PDE3A: variants seen among roughly 807,000 people sequenced by gnomAD.
PDE3A encodes cGMP-inhibited 3',5'-cyclic phosphodiesterase 3A.
In PDE3A, 43 loss-of-function variants were observed where a neutral mutation model predicts 98.3. That is an observed-to-expected ratio of 0.44 (90% confidence interval 0.34 to 0.56). PDE3A has a LOEUF of 0.56. Among genes scored for constraint, PDE3A ranks in the 20% least tolerant of loss-of-function variants. The probability of loss-of-function intolerance (pLI) is 0.01; values close to 1 mark genes in which losing one functional copy is unlikely to be tolerated. For missense variants in PDE3A, 1,427 were observed against 1,440.7 expected, an observed-to-expected ratio of 0.99 and a Z score of 0.15; for synonymous variants, 663 against 567.9, an observed-to-expected ratio of 1.17 and a Z score of -2.38.
intron 15 of PDE3A, among the ~76,000 whole-genome samples, chr12:20,670,819 G>T (rs1945455363): frequency 7.4e-6 from 1 of 135,018 alleles, no homozygotes; most frequent in Non-Finnish European, 1.5e-5. Context: ...ACATTCAAAA[G>T]CTAGCAGAAG....
chr12:20,648,833 C>A lies in PDE3A; in HGVS notation c.2711C>A (p.Ala904Glu), dbSNP rs1487880128. Residue 904 changes from alanine to glutamate, a missense_variant, in exon 13 of 16, where the codon GCA (alanine) becomes GAA (glutamate). This residue lies in a region of PDE3A where 273 missense variants were observed against 420.3 expected (regional missense o/e 0.65). Transcript: ENST00000359062. ...FKHFRFLVIE[A>E]ILATDLKKHF... ...CATTTCCGTTTCCTTGTCATTGAAG[C>A]AATTTTGGCCACTGACCTGAAGAAA... The A allele has an allele frequency of 1.9e-6, 3 of 1,613,636 alleles. No homozygotes were observed. The highest frequency in any genetic ancestry group is 2.5e-6 in the Non-Finnish European group (3 of 1,179,774).
Position 20,640,329 on chromosome 12 carries a change from G to T in PDE3A, c.2251+372G>T, listed in dbSNP as rs562075736. Among the ~76,000 whole-genome samples, 13 of 152,084 alleles carry T rather than the reference G, an allele frequency of 8.5e-5. No homozygotes were observed. The East Asian group carries it at 2.5e-3, about 29-fold the overall frequency. ...TCCACTTTAATATGGCTATTTTTTGGAAATAAATAAATACTAAATTTATTG... is the reference window on the plus strand; with the variant it reads ...TCCACTTTAATATGGCTATTTTTTGTAAATAAATAAATACTAAATTTATTG... On this transcript the variant is annotated intron_variant, in intron 10 of 15. Coordinates refer to ENST00000359062, the MANE Select transcript of PDE3A (RefSeq NM_000921.5).
chr12:20,492,888 G>T (rs1436278692), intron 1 of PDE3A, among the ~76,000 whole-genome samples: 1 of 152,082 alleles, frequency 6.6e-6, no homozygotes, highest in African/African-American at 2.4e-5. Flanking sequence ...GATGAGTAAG[G>T]GTGGGGTGGT....
At chr12:20,671,483 TC>T (rs201674553) in intron 15 of PDE3A, among the ~76,000 whole-genome samples, 83,681 of 150,922 alleles carry the variant, frequency 0.55, 24,159 homozygotes, top group East Asian at 0.73. Flanking sequence ...CAGCAGCACA[TC>T]AAAAAGCTTA....
chr12:20,605,792 T>TA (rs1943696060), intron 2 of PDE3A, among the ~76,000 whole-genome samples: 1 of 152,246 alleles, frequency 6.6e-6, no homozygotes, highest in African/African-American at 2.4e-5. Context: ...GTAACCTATC[T>TA]TCAAGTTTCA....
chr12:20,571,931 T>C, intron 2 of PDE3A: 1 of 1,064,172 alleles, frequency 9.4e-7, no homozygotes. Flanking sequence ...TGAATGAGAG[T>C]GGGGCATAAA....
intron 1 of PDE3A, among the ~76,000 whole-genome samples, chr12:20,463,403 T>A (rs1160699270): frequency 6.6e-6 from 1 of 152,150 alleles, no homozygotes; most frequent in Admixed American, 6.5e-5. Flanking sequence ...CAATATTAAG[T>A]ATATAGATAA....
At chr12:20,561,017 C>T (rs1426466746) in intron 2 of PDE3A, among the ~76,000 whole-genome samples, 6 of 138,040 alleles carry the variant, frequency 4.3e-5, no homozygotes, top group Admixed American at 1.4e-4. Flanking sequence ...AATCCCGGCA[C>T]TTTGGGAGGC....
intron 1 of PDE3A, among the ~76,000 whole-genome samples, chr12:20,468,339 G>A (rs1945379087): frequency 6.6e-6 from 1 of 152,046 alleles, no homozygotes; most frequent in East Asian, 1.9e-4. Flanking sequence ...CAATGATTAT[G>A]GTCTGTACTT....
Position 20,592,240 on chromosome 12 carries a change from G to T in PDE3A, c.1012-21203G>T, listed in dbSNP as rs1010892133. ...GAAGAAAGAATATTGTGTCTTAAAA[G>T]CATATGGAATGCCAGTGTACTAATT... On this transcript the variant is annotated intron_variant, in intron 2 of 15. Transcript: ENST00000359062. 2.0e-5 allele frequency among the ~76,000 whole-genome samples: 3 copies of T among 152,074 alleles called. No individual in the cohort carries two copies. In the East Asian group the frequency reaches 5.8e-4, roughly 29 times the overall value.
At chr12:20,561,679 G>A (rs1479861472) in intron 2 of PDE3A, among the ~76,000 whole-genome samples, 1 of 151,688 alleles carries the variant, frequency 6.6e-6, no homozygotes, top group East Asian at 1.9e-4. Context: ...AGCTTCCCCT[G>A]GCTTCTCCCG....
chr12:20,509,081 A>C (rs1271949812), intron 1 of PDE3A, among the ~76,000 whole-genome samples: 1 of 151,944 alleles, frequency 6.6e-6, no homozygotes, highest in African/African-American at 2.4e-5. Flanking sequence ...GATTTGTGAC[A>C]TTGTGCGTCA....
intron 15 of PDE3A, among the ~76,000 whole-genome samples, chr12:20,673,270 A>C (rs532666169): frequency 6.6e-6 from 1 of 151,390 alleles, no homozygotes; most frequent in Admixed American, 6.6e-5. Context: ...AACTAGTTCA[A>C]CCATTGTGGA....
chr12:20,626,524 C>T (rs1944267714), intron 5 of PDE3A, among the ~76,000 whole-genome samples: 1 of 151,988 alleles, frequency 6.6e-6, no homozygotes. Flanking sequence ...GAGATGGATT[C>T]TTGCTCTGTC....
At chr12:20,598,547 C>T (rs1943518745) in intron 2 of PDE3A, among the ~76,000 whole-genome samples, 1 of 152,116 alleles carries the variant, frequency 6.6e-6, no homozygotes. Context: ...CTATTGAAAT[C>T]ACCCGCCCCC....
In PDE3A at chr12:20,369,874, G is replaced by C; in HGVS notation, c.590G>C (p.Cys197Ser). The change falls in exon 1 of 16, where the codon TGC (cysteine) becomes TCC (serine). Residue 197 changes from cysteine (C) to serine (S), a missense_variant. By Grantham distance (112) the Cys-to-Ser change is moderately radical (BLOSUM62 -1). Transcript: ENST00000359062. Reference sequence around the variant, plus strand: ...CCCGCCGCGGGGGTGGTGCTCAGCTGCTTGGCCGCCGCGACATGGCTGGTG... The same window carrying C: ...CCCGCCGCGGGGGTGGTGCTCAGCTCCTTGGCCGCCGCGACATGGCTGGTG... ...SLPAAGVVLS[C>S]LAAATWLVLR... The C allele has an allele frequency of 6.2e-7, 1 of 1,612,986 alleles. No individual in the cohort carries two copies. The highest frequency in any genetic ancestry group is 8.5e-7 in the Non-Finnish European group (1 of 1,179,730).
chr12:20,669,138 A>G (rs1286763547), intron 15 of PDE3A, among the ~76,000 whole-genome samples: 3 of 152,012 alleles, frequency 2.0e-5, no homozygotes, highest in African/African-American at 7.3e-5. Context: ...GCGAGAAGGG[A>G]AGTGTAGAGA....
chr12:20,555,439 A>C (rs1016821946), intron 1 of PDE3A, among the ~76,000 whole-genome samples: 13 of 152,148 alleles, frequency 8.5e-5, no homozygotes, highest in Non-Finnish European at 1.8e-4. Context: ...CATAGTTTTA[A>C]CTTTGTGTTT....
intron 2 of PDE3A, among the ~76,000 whole-genome samples, chr12:20,585,603 T>C (rs956189907): frequency 2.0e-5 from 3 of 151,858 alleles, no homozygotes; most frequent in Non-Finnish European, 4.4e-5. Flanking sequence ...CAAATGTAAA[T>C]GGTAATAACA....
Sources: gnomAD v4.1 joint callset for allele counts (sites outside exome capture counted in the v4.1 genomes callset) on GRCh38, gnomAD v4.1.1 for gene constraint, gnomAD v4.1.1 regional missense constraint, MANE v1.5 for transcripts, NCBI Gene and HGNC (gene_info 2026-07-23, HGNC 2026-07-21) for gene names.